The following OPCML variants were observed in gnomAD, a reference collection of about 807,000 sequenced individuals.
The protein encoded by OPCML is opioid binding protein/cell adhesion molecule like, also known as opioid-binding protein/cell adhesion molecule.
In OPCML, 13 loss-of-function variants were observed where a neutral mutation model predicts 37.8. That is an observed-to-expected ratio of 0.34 (90% CI 0.22 to 0.55). The LOEUF is 0.55. Ranked by LOEUF, OPCML falls within the 20% of genes least tolerant of loss-of-function variation. The pLI is 0.91. For missense variants in OPCML, 341 were observed against 435.6 expected, an observed-to-expected ratio of 0.78 and a Z score of 1.93; for synonymous variants, 176 against 168.8, an observed-to-expected ratio of 1.04 and a Z score of -0.33.
intron 1 of OPCML, among the ~76,000 whole-genome samples, chr11:133,368,381 GAGA>G (rs1565596826): frequency 1.3e-5 from 2 of 152,084 alleles, no homozygotes; most frequent in Non-Finnish European, 2.9e-5. Context: ...CACAGCAGAG[GAGA>G]AGATGAGGGT....
chr11:133,391,520 T>TA (rs1945173506), intron 1 of OPCML, among the ~76,000 whole-genome samples: 4 of 152,204 alleles, frequency 2.6e-5, no homozygotes, highest in Admixed American at 2.6e-4. Flanking sequence ...AACCATCCTT[T>TA]AGCTGCTGAG....
In OPCML at chr11:132,596,450, A is replaced by AT. The variant is rs957278775; in HGVS notation, c.379+60636dup. Reference sequence around the variant, plus strand: ...TTCTATGAAGACAAAACATCTCTTAATTTTTTTGTTGGGGCCAGTAAGGAA... The same window carrying AT: ...TTCTATGAAGACAAAACATCTCTTAATTTTTTTTGTTGGGGCCAGTAAGGAA... On this transcript the variant is annotated intron_variant, in intron 3 of 7. Transcript: ENST00000524381. Among the ~76,000 whole-genome samples the AT allele has an allele frequency of 5.9e-5, 9 of 151,936 alleles. No homozygotes were observed. In the East Asian group the frequency reaches 9.7e-4, roughly 16 times the overall value.
intron 3 of OPCML, among the ~76,000 whole-genome samples, chr11:132,541,756 T>C (rs928617718): frequency 6.6e-6 from 1 of 152,184 alleles, no homozygotes; most frequent in Non-Finnish European, 1.5e-5. Flanking sequence ...ATTGACTGAC[T>C]GCAGAACCCA....
At chr11:133,442,086 G>T (rs1946376405) in intron 1 of OPCML, among the ~76,000 whole-genome samples, 1 of 152,160 alleles carries the variant, frequency 6.6e-6, no homozygotes, top group South Asian at 2.1e-4. Flanking sequence ...GCCTTATAGT[G>T]AGTAGTTTTC....
intron 1 of OPCML, among the ~76,000 whole-genome samples, chr11:132,998,088 A>G (rs1946920319): frequency 6.6e-6 from 1 of 152,156 alleles, no homozygotes. Context: ...CTGCCTGCCC[A>G]TCCTTCAAGG....
chr11:132,593,282 C>G (rs184367616), intron 3 of OPCML, among the ~76,000 whole-genome samples: 38 of 152,180 alleles, frequency 2.5e-4, no homozygotes, highest in Admixed American at 1.8e-3. Flanking sequence ...CTGGGAAAGG[C>G]AGCTGCGGAG....
At chr11:132,530,637 C>T (rs573382686) in intron 3 of OPCML, among the ~76,000 whole-genome samples, 2 of 151,986 alleles carry the variant, frequency 1.3e-5, no homozygotes, top group Non-Finnish European at 2.9e-5. Flanking sequence ...TGAACCTCAT[C>T]TCAGGCCCCG....
chr11:133,020,139 C>T lies in OPCML; in HGVS notation c.62-77129G>A, dbSNP rs576351692. Among the ~76,000 whole-genome samples, 11 of 152,322 alleles carry T rather than the reference C, an allele frequency of 7.2e-5. No individual in the cohort carries two copies. The East Asian group carries it at 9.6e-4, about 13-fold the overall frequency. On this transcript the variant is annotated intron_variant, in intron 1 of 7. Coordinates refer to ENST00000524381, the MANE Select transcript of OPCML (RefSeq NM_001012393.5). ...CTGCTGCCATTACAATGCAGTCACTCGCCTGTAATCAGTCAAAATAACAAG... is the reference window on the plus strand; with the variant it reads ...CTGCTGCCATTACAATGCAGTCACTTGCCTGTAATCAGTCAAAATAACAAG...
At chr11:132,624,771 C>T (rs1018013247) in intron 3 of OPCML, among the ~76,000 whole-genome samples, 2 of 152,136 alleles carry the variant, frequency 1.3e-5, no homozygotes. Flanking sequence ...TTACCTCATG[C>T]TTTACGTGTC....
Position 132,665,273 on chromosome 11 carries a change from T to G in OPCML, c.147-7954A>C, listed in dbSNP as rs568907039. 3.9e-5 allele frequency among the ~76,000 whole-genome samples: 6 copies of G among 152,288 alleles called. No homozygotes were observed. The East Asian group carries it at 7.7e-4, about 20-fold the overall frequency. ...CAGAAAATCAGCCACTGGATGATAA[T>G]GTGCTGCACTTTCAGCCATGTCTGA... On this transcript the variant is annotated intron_variant, in intron 2 of 7. Coordinates refer to ENST00000524381, the MANE Select transcript of OPCML (RefSeq NM_001012393.5).
intron 1 of OPCML, among the ~76,000 whole-genome samples, chr11:132,949,458 C>T (rs7112127): frequency 0.025 from 3,743 of 152,232 alleles, 148 homozygotes; most frequent in African/African-American, 0.083. Flanking sequence ...TGTTCAGAAC[C>T]TAAACTGAGC....
chr11:133,076,412 C>T (rs984537490), intron 1 of OPCML, among the ~76,000 whole-genome samples: 2 of 152,094 alleles, frequency 1.3e-5, no homozygotes, highest in African/African-American at 4.8e-5. Context: ...TCACTCAGAC[C>T]ACCCACTTCC....
At chr11:132,542,838 C>A (rs2096360133) in intron 3 of OPCML, among the ~76,000 whole-genome samples, 1 of 152,074 alleles carries the variant, frequency 6.6e-6, no homozygotes, top group Admixed American at 6.6e-5. Context: ...GACTGAACAC[C>A]CACGCCTCTT....
chr11:133,198,207 A>G (rs186407600), intron 1 of OPCML, among the ~76,000 whole-genome samples: 165 of 152,312 alleles, frequency 1.1e-3, no homozygotes, highest in African/African-American at 3.9e-3. Context: ...ACTCTATTCA[A>G]TTATGATTGC....
At chr11:133,094,465 C>T (rs1948966504) in intron 1 of OPCML, among the ~76,000 whole-genome samples, 1 of 152,162 alleles carries the variant, frequency 6.6e-6, no homozygotes. Context: ...CAAATCATTC[C>T]AGTTTGTCAG....
intron 2 of OPCML, among the ~76,000 whole-genome samples, chr11:132,683,229 T>C (rs1943027988): frequency 6.6e-6 from 1 of 152,154 alleles, no homozygotes; most frequent in African/African-American, 2.4e-5. Flanking sequence ...AGAGACTCTG[T>C]CGCTACATAA....
chr11:132,825,461 T>C lies in OPCML; in HGVS notation c.146+117465A>G, dbSNP rs114669821. Among the ~76,000 whole-genome samples, 834 of 152,312 alleles carry C rather than the reference T, an allele frequency of 5.5e-3. 11 individuals carry two copies. The highest frequency in any genetic ancestry group is 0.019 in the African/African-American group (794 of 41,560). On this transcript the variant is annotated intron_variant, in intron 2 of 7. Transcript: ENST00000524381. ...TTGACAGGGTGATATTGGACACATT[T>C]TTGAACCCATCTATGCCTCCATTTT...
intron 3 of OPCML, among the ~76,000 whole-genome samples, chr11:132,569,391 A>T (rs544943002): frequency 2.0e-5 from 3 of 152,342 alleles, no homozygotes; most frequent in African/African-American, 7.2e-5. Context: ...TAGCCTCTAG[A>T]ACTGTGAGAA....
intron 1 of OPCML, among the ~76,000 whole-genome samples, chr11:133,246,471 A>G (rs947556809): frequency 5.3e-5 from 8 of 152,220 alleles, no homozygotes; most frequent in Admixed American, 6.5e-5. Flanking sequence ...GAGCAGTTTT[A>G]CAGGTGGCAA....
Sources: allele counts gnomAD v4.1 joint callset (sites outside exome capture counted in the v4.1 genomes callset), GRCh38; gene constraint gnomAD v4.1.1; transcripts MANE v1.5; gene names NCBI Gene and HGNC (gene_info 2026-07-23, HGNC 2026-07-21).